Variants in SRC observed in about 807,000 individuals in gnomAD.
SRC encodes the protein SRC proto-oncogene, non-receptor tyrosine kinase.
Under a neutral mutation model 62.9 loss-of-function variants are expected in SRC, and 13 were observed. That is an observed-to-expected ratio of 0.21 (90% CI 0.13 to 0.33). The LOEUF (loss-of-function observed/expected upper bound fraction) is 0.33, where lower values mean the gene tolerates loss of function less well. Among genes scored for constraint, SRC ranks in the 10% least tolerant of loss-of-function variants. SRC has a pLI of 1.00. For synonymous variants in SRC, 302 were observed against 317.5 expected, an observed-to-expected ratio of 0.95 and a Z score of 0.52; for missense variants, 457 against 737.3, an observed-to-expected ratio of 0.62 and a Z score of 4.40.
In SRC at chr20:37,386,287, T is replaced by TGTGAA. The variant is rs1394015905; in HGVS notation, c.350+114_350+115insTGAAG. ...CAGCACAGTGCAGAGCCCAGGGCAG[T>TGTGAA]GCGAAGCCCAGGGCAGTGTGGAGGC... On this transcript the variant is annotated intron_variant, in intron 5 of 13. Transcript: ENST00000373578. 1.1e-3 allele frequency: 1,134 copies of TGTGAA among 1,077,344 alleles called. 3 individuals carry two copies. The African/African-American group carries it at 0.016, about 15-fold the overall frequency. The allele number at this position is 1,077,344 out of a possible 1,614,324, so 66.7% of individuals were successfully genotyped here. A position where few individuals can be genotyped will look rare whatever the true frequency, so the allele number is the denominator to read the frequency against.
intron 1 of SRC, among the ~76,000 whole-genome samples, chr20:37,355,150 CTG>C (rs1053437787): frequency 1.3e-5 from 2 of 152,126 alleles, no homozygotes; most frequent in African/African-American, 4.8e-5. Flanking sequence ...TCAGCGCCAA[CTG>C]TGGTGATTTT....
At chr20:37,361,462 G>A (rs968901349) in intron 1 of SRC, among the ~76,000 whole-genome samples, 14 of 152,318 alleles carry the variant, frequency 9.2e-5, no homozygotes, top group African/African-American at 3.4e-4. Flanking sequence ...TGGGGCTCAG[G>A]CTGGGCCGTG....
At position 37,396,360 on chromosome 20, in the gene SRC, C is replaced by T. The variant is rs1344261165; in HGVS notation, c.703+49C>T. On this transcript the variant is annotated intron_variant, in intron 8 of 13. Coordinates refer to ENST00000373578, the MANE Select transcript of SRC (RefSeq NM_198291.3). This position sits in a 1 kb window ranked among gnomAD's most constrained non-coding sequence, Gnocchi z 6.1. The stretch of plus-strand genomic sequence containing the variant: ...GGGCGGGCGGGCAAAGCCTCAGCTG[C>T]AGACTCTGGGGAGGGGCCTTGGAGC... The T allele has an allele frequency of 6.2e-7, 1 of 1,604,252 alleles. No homozygotes were observed. The highest frequency in any genetic ancestry group is 1.8e-4 in the Middle Eastern group (1 of 5,700).
chr20:37,387,114 G>T (rs1231367107), intron 5 of SRC, among the ~76,000 whole-genome samples: 1 of 152,186 alleles, frequency 6.6e-6, no homozygotes, highest in Admixed American at 6.5e-5. Context: ...GAGGAGAATC[G>T]ATCCCTGGGT....
chr20:37,370,772 G>A (rs565326500), intron 2 of SRC, among the ~76,000 whole-genome samples: 1 of 152,208 alleles, frequency 6.6e-6, no homozygotes, highest in Non-Finnish European at 1.5e-5. Flanking sequence ...TGTGGTTATG[G>A]TATCGGGGTA....
chr20:37,349,855 A>G (rs1346689822), intron 1 of SRC, among the ~76,000 whole-genome samples: 1 of 152,230 alleles, frequency 6.6e-6, no homozygotes, highest in Non-Finnish European at 1.5e-5. Flanking sequence ...CCATGCGTCT[A>G]GCCCCAGCCC....
chr20:37,373,204 A>G (rs903694297), intron 2 of SRC, among the ~76,000 whole-genome samples: 1 of 147,974 alleles, frequency 6.8e-6, no homozygotes. Flanking sequence ...ATATGTACAT[A>G]TCTACACACA....
chr20:37,390,900 T>C lies in SRC; in HGVS notation c.351-2995T>C, dbSNP rs114904451. Among the ~76,000 whole-genome samples the C allele has an allele frequency of 6.9e-3, 1,053 of 152,242 alleles. 11 individuals are homozygous for C. The highest frequency in any genetic ancestry group is 0.023 in the African/African-American group (959 of 41,526). On this transcript the variant is annotated intron_variant, in intron 5 of 13. Coordinates refer to ENST00000373578, the MANE Select transcript of SRC (RefSeq NM_198291.3). ...AATCAGGGGCCAGGCTGAGACTGGA[T>C]CTTGGGTCCTTCAGTAAAATTGGAG...
At chr20:37,373,404 TACGC>T (rs2070223772) in intron 2 of SRC, among the ~76,000 whole-genome samples, 1 of 149,356 alleles carries the variant, frequency 6.7e-6, no homozygotes, top group Non-Finnish European at 1.5e-5. Flanking sequence ...TGCGTATATA[TACGC>T]ATATATACGC....
chr20:37,372,833 A>G (rs1227604343), intron 2 of SRC, among the ~76,000 whole-genome samples: 3 of 152,124 alleles, frequency 2.0e-5, no homozygotes, highest in Non-Finnish European at 4.4e-5. Context: ...TACCTATCAT[A>G]TGAGTTGCAA....
rs1303357004 is a variant in SRC, at chr20:37,403,263, T to C, written c.1495T>C (p.Cys499Arg). The C allele has an allele frequency of 4.4e-6, 7 of 1,595,558 alleles. No homozygotes were observed. The Admixed American group carries it at 5.2e-5, about 12-fold the overall frequency. Residue 499 changes from cysteine to arginine, a missense_variant, in exon 14 of 14, where the codon TGC becomes CGC. This residue lies in a region of SRC where 168 missense variants were observed against 357.8 expected (regional missense o/e 0.47). Coordinates refer to ENST00000373578, the MANE Select transcript of SRC (RefSeq NM_198291.3). This position sits in a 1 kb window ranked among gnomAD's most constrained non-coding sequence, Gnocchi z 7.1. ...ECPESLHDLMCQCWRKEPEER... is the reference protein window; with the variant it reads ...ECPESLHDLMRQCWRKEPEER... ...TCCCGAGTCCCTGCACGACCTCATG[T>C]GCCAGTGCTGGCGGAAGGAGCCTGA...
chr20:37,396,903 T>A lies in SRC; in HGVS notation c.703+592T>A, dbSNP rs1601015415. On this transcript the variant is annotated intron_variant, in intron 8 of 13. Coordinates refer to ENST00000373578, the MANE Select transcript of SRC (RefSeq NM_198291.3). This position sits in a 1 kb window ranked among gnomAD's most constrained non-coding sequence, Gnocchi z 6.1. Reference sequence around the variant, plus strand: ...GGCACACATGGCCTCTGTGCACAGGTGTTGGTCCACTCCCCACCCCGAGCC... The same window carrying A: ...GGCACACATGGCCTCTGTGCACAGGAGTTGGTCCACTCCCCACCCCGAGCC... 1 of 155,136 alleles carries A rather than the reference T, an allele frequency of 6.4e-6. No homozygotes were observed. Among genetic ancestry groups the A allele is most frequent in the Non-Finnish European group, 1.4e-5 (1 of 70,088 alleles). The allele number at this position is 155,136 out of a possible 1,614,324, so 9.6% of individuals were successfully genotyped here.
intron 1 of SRC, among the ~76,000 whole-genome samples, chr20:37,360,200 TTC>T: frequency 6.7e-6 from 1 of 148,910 alleles, no homozygotes; most frequent in African/African-American, 2.5e-5. Flanking sequence ...AACAATTTCT[TTC>T]TCTTTCTCTC....
intron 5 of SRC, among the ~76,000 whole-genome samples, chr20:37,389,541 A>G (rs1260983973): frequency 6.6e-6 from 1 of 152,094 alleles, no homozygotes; most frequent in Non-Finnish European, 1.5e-5. Flanking sequence ...GGGCTTGGCA[A>G]TTGACCTCCT....
chr20:37,383,056 C>A (rs1313066999), intron 3 of SRC, among the ~76,000 whole-genome samples: 1 of 152,208 alleles, frequency 6.6e-6, no homozygotes, highest in Non-Finnish European at 1.5e-5. Flanking sequence ...TGTGCCACAC[C>A]CCATGCTAGG....
rs1306907104 is a variant in SRC at position 37,400,022 on chromosome 20, G to A, written c.860-93G>A. The A allele has an allele frequency of 1.1e-5, 14 of 1,332,412 alleles. No individual in the cohort carries two copies. The East Asian group carries it at 3.3e-4, about 32-fold the overall frequency. 82.5% of individuals were successfully genotyped at this position (1,332,412 alleles called of 1,614,324 possible). ...TTGTCACATGGCTGTGGAGGCCACAGCTGACACTGGCGCCCAGGTGGGCAG... is the reference window on the plus strand; with the variant it reads ...TTGTCACATGGCTGTGGAGGCCACAACTGACACTGGCGCCCAGGTGGGCAG... On this transcript the variant is annotated intron_variant, in intron 9 of 13. Coordinates refer to ENST00000373578, the MANE Select transcript of SRC (RefSeq NM_198291.3).
In SRC at chr20:37,398,208, A is replaced by AGTGCGT. The variant is rs1320134596; in HGVS notation, c.859+357_859+362dup. 6.6e-6 allele frequency among the ~76,000 whole-genome samples: 1 copy of AGTGCGT among 152,194 alleles called. No homozygotes were observed. Among genetic ancestry groups the AGTGCGT allele is most frequent in the African/African-American group, 2.4e-5 (1 of 41,454 alleles). ...TGGGAGACTGTGGAGACCCTGACCC[A>AGTGCGT]GTGCGTGTCCACACACTAGCTGTTC... On this transcript the variant is annotated intron_variant, in intron 9 of 13. Coordinates refer to ENST00000373578, the MANE Select transcript of SRC (RefSeq NM_198291.3). The surrounding 1 kb of genome is among the most constrained non-coding windows in gnomAD (Gnocchi z 5.2).
intron 1 of SRC, among the ~76,000 whole-genome samples, chr20:37,350,456 A>T (rs1386063982): frequency 1.3e-5 from 2 of 152,130 alleles, no homozygotes; most frequent in Non-Finnish European, 2.9e-5. Context: ...TAACAAGAGG[A>T]TGGTATGAGG....
chr20:37,356,891 G>C (rs943481430), intron 1 of SRC, among the ~76,000 whole-genome samples: 8 of 152,224 alleles, frequency 5.3e-5, no homozygotes, highest in African/African-American at 1.9e-4. Flanking sequence ...CCTGCTGGCT[G>C]GCAGACCTTG....
Sources: gnomAD v4.1 joint callset for allele counts (sites outside exome capture counted in the v4.1 genomes callset) on GRCh38, gnomAD v4.1.1 for gene constraint, gnomAD v4.1.1 regional missense constraint, Gnocchi (gnomAD v3.1) non-coding constraint, MANE v1.5 for transcripts, NCBI Gene and HGNC (gene_info 2026-07-23, HGNC 2026-07-21) for gene names.